The following HECW2 variants were observed in gnomAD, a reference collection of about 807,000 sequenced individuals.
The protein encoded by HECW2 is E3 ubiquitin-protein ligase HECW2.
A neutral mutation model predicts 175.2 loss-of-function variants in HECW2; 61 were observed. The ratio of observed to expected loss-of-function variants is 0.35; its 90% CI spans 0.28 to 0.43. HECW2 has a LOEUF of 0.43. Ranked by LOEUF, HECW2 falls within the 20% of genes least tolerant of loss-of-function variation. The pLI is 1.00. For missense variants in HECW2, 1,524 were observed against 2,000.5 expected (o/e 0.76, Z 4.54); for synonymous variants, 671 against 731.0 (o/e 0.92, Z 1.32).
At chr2:196,494,290 A>C (rs1258706934) in intron 1 of HECW2, among the ~76,000 whole-genome samples, 1 of 152,200 alleles carries the variant, frequency 6.6e-6, no homozygotes, top group Non-Finnish European at 1.5e-5. Context: ...GAGCCCTGAA[A>C]AGTAATTTCC....
At chr2:196,286,058 G>T (rs1690375381) in intron 14 of HECW2, among the ~76,000 whole-genome samples, 1 of 152,148 alleles carries the variant, frequency 6.6e-6, no homozygotes, top group Non-Finnish European at 1.5e-5. Flanking sequence ...CCTGTAAGAG[G>T]GGAGCCAGTG....
chr2:196,531,503 A>G (rs1688838635), intron 1 of HECW2, among the ~76,000 whole-genome samples: 1 of 152,044 alleles, frequency 6.6e-6, no homozygotes, highest in Non-Finnish European at 1.5e-5. Flanking sequence ...TAAAAATACA[A>G]TACAAAAAAT....
chr2:196,304,618 C>CTTG lies in HECW2; in HGVS notation c.2814+1867_2814+1869dup, dbSNP rs557707720. The stretch of plus-strand genomic sequence containing the variant: ...CAAATGAACAAAAAACAAAGGGGAG[C>CTTG]TTGTGCCTTCTGACTCCAAGTCTGA... On this transcript the variant is annotated intron_variant, in intron 13 of 28. Transcript: ENST00000644978. 9.8e-5 allele frequency among the ~76,000 whole-genome samples: 15 copies of CTTG among 152,290 alleles called. No homozygotes were observed. The East Asian group carries it at 2.1e-3, about 22-fold the overall frequency.
chr2:196,486,836 A>G (rs1005587970), intron 1 of HECW2, among the ~76,000 whole-genome samples: 2 of 152,202 alleles, frequency 1.3e-5, no homozygotes, highest in Non-Finnish European at 2.9e-5. Flanking sequence ...CTTCACCTCT[A>G]TTCACTAAAA....
At position 196,309,530 on chromosome 2, in the gene HECW2, C is replaced by A. The variant is rs1050466942; in HGVS notation, c.2435-1445G>T. On this transcript the variant is annotated intron_variant, in intron 10 of 28. Transcript: ENST00000644978. ...AAGTACATTAAAGCATCTTCAGGAA[C>A]CATTTTTCAAAACACTTTGATTTAT... Among the ~76,000 whole-genome samples the A allele has an allele frequency of 3.3e-5, 5 of 152,304 alleles. No homozygotes were observed. In the South Asian group the frequency reaches 1.0e-3, roughly 32 times the overall value.
chr2:196,296,220 T>C (rs1690808951), intron 13 of HECW2, among the ~76,000 whole-genome samples: 1 of 152,244 alleles, frequency 6.6e-6, no homozygotes, highest in South Asian at 2.1e-4. Context: ...CCACTTCATA[T>C]AGAACTACAG....
intron 1 of HECW2, among the ~76,000 whole-genome samples, chr2:196,458,256 G>A (rs1696592932): frequency 6.6e-6 from 1 of 152,086 alleles, no homozygotes; most frequent in Non-Finnish European, 1.5e-5. Context: ...AAGTGACAGA[G>A]CAAAACCCTG....
At chr2:196,242,023 C>A in intron 20 of HECW2, 61 bp downstream of exon 20, 2 of 1,514,048 alleles carry the variant, frequency 1.3e-6, no homozygotes, top group Non-Finnish European at 9.1e-7. Context: ...TCCTAGAGGC[C>A]CAACTGTGCC....
chr2:196,230,119 T>A (rs529157208), intron 21 of HECW2, among the ~76,000 whole-genome samples: 54 of 152,272 alleles, frequency 3.5e-4, no homozygotes, highest in Non-Finnish European at 7.5e-4. Context: ...GAATATAACA[T>A]GCTAACAGGT....
chr2:196,319,821 T>C lies in HECW2; in HGVS notation c.1069A>G (p.Met357Val), dbSNP rs780893136. The change falls in exon 9 of 29, where the codon ATG becomes GTG. Residue 357 changes from methionine to valine, a missense_variant. Around this residue, in one of 11 missense-constraint regions of HECW2, gnomAD observed 604 missense variants for 588.3 expected, o/e 1.03. Transcript: ENST00000644978. ...TGGCTGTCGTGATGGCTCCCTGGCA[T>C]GTCCTCGTCATCGGAAGGGCTACCT... is the stretch of plus-strand genomic sequence containing the variant. ...DLGSPSDDED[M>V]PGSHHDSQVC... 7 of 1,614,114 alleles carry C rather than the reference T, an allele frequency of 4.3e-6. No individual in the cohort carries two copies. In the African/African-American group the frequency reaches 5.3e-5, roughly 12 times the overall value.
At chr2:196,286,404 A>ATATATATATATAT (rs1224813893) in intron 14 of HECW2, among the ~76,000 whole-genome samples, 3 of 151,350 alleles carry the variant, frequency 2.0e-5, no homozygotes, top group Non-Finnish European at 2.9e-5. Context: ...ATATATATTT[A>ATATATATATATAT]AATCCATGCA....
At chr2:196,537,958 TTTC>T (rs1251918846) in intron 1 of HECW2, among the ~76,000 whole-genome samples, 1 of 152,182 alleles carries the variant, frequency 6.6e-6, no homozygotes, top group African/African-American at 2.4e-5. Context: ...ACCACTGTAC[TTTC>T]TTAATAAATT....
chr2:196,199,674 A>G lies in HECW2; in HGVS notation c.*1603T>C, dbSNP rs2105747802. ...GGCTGGCAAACCATATGTCAATCCAATGCTTTTATGACCCCCAATTTAACT... is the reference window on the plus strand; with the variant it reads ...GGCTGGCAAACCATATGTCAATCCAGTGCTTTTATGACCCCCAATTTAACT... On this transcript the variant is annotated 3_prime_UTR_variant, in exon 29 of 29. Transcript: ENST00000644978. The G allele has an allele frequency of 6.6e-6, 1 of 152,412 alleles. No individual in the cohort carries two copies. The highest frequency in any genetic ancestry group is 3.4e-3 in the Middle Eastern group (1 of 294). The allele number at this position is 152,412 out of a possible 1,614,324, so 9.4% of individuals were successfully genotyped here. A position where few individuals can be genotyped will look rare whatever the true frequency, so the allele number is the denominator to read the frequency against.
chr2:196,349,438 C>G (rs1348495972), intron 2 of HECW2, among the ~76,000 whole-genome samples: 1 of 152,094 alleles, frequency 6.6e-6, no homozygotes, highest in African/African-American at 2.4e-5. Context: ...TTATATTAAG[C>G]TTGTCCCTTT....
chr2:196,469,834 C>A (rs981779336), intron 1 of HECW2, among the ~76,000 whole-genome samples: 1 of 151,428 alleles, frequency 6.6e-6, no homozygotes, highest in African/African-American at 2.4e-5. Flanking sequence ...ACCTCTGGGG[C>A]GGGGGACTAA....
intron 24 of HECW2, among the ~76,000 whole-genome samples, chr2:196,221,918 C>T (rs1687684524): frequency 6.6e-6 from 1 of 152,110 alleles, no homozygotes; most frequent in Admixed American, 6.5e-5. Context: ...AAACTGCATT[C>T]TATATAAGGT....
At chr2:196,539,091 G>A (rs963295810) in intron 1 of HECW2, among the ~76,000 whole-genome samples, 1 of 152,186 alleles carries the variant, frequency 6.6e-6, no homozygotes, top group Non-Finnish European at 1.5e-5. Context: ...AAGTCCAGAA[G>A]TGCCCTGGAG....
chr2:196,312,279 G>C (rs992680346), intron 10 of HECW2, among the ~76,000 whole-genome samples: 1 of 152,052 alleles, frequency 6.6e-6, no homozygotes, highest in Non-Finnish European at 1.5e-5. Context: ...TTTTGAATTG[G>C]TTATCATTGG....
At position 196,196,942 on chromosome 2, in the gene HECW2, G is replaced by C. The variant is rs892311645; in HGVS notation, c.*4335C>G. On this transcript the variant is annotated 3_prime_UTR_variant, in exon 29 of 29. Transcript: ENST00000644978. ...TCTACAAAAATACAAAAATTAGCCAGGTGTGGTGGTATGCGCCTGTAGTCC... is the reference window on the plus strand; with the variant it reads ...TCTACAAAAATACAAAAATTAGCCACGTGTGGTGGTATGCGCCTGTAGTCC... The C allele has an allele frequency of 1.3e-5, 2 of 152,056 alleles. No homozygotes were observed. Among genetic ancestry groups the C allele is most frequent in the South Asian group, 2.1e-4 (1 of 4,810 alleles). The allele number at this position is 152,056 out of a possible 1,614,324, so 9.4% of individuals were successfully genotyped here. A position where few individuals can be genotyped will look rare whatever the true frequency, so the allele number is the denominator to read the frequency against.
Sources: gnomAD v4.1 joint callset for allele counts (sites outside exome capture counted in the v4.1 genomes callset) on GRCh38, gnomAD v4.1.1 for gene constraint, gnomAD v4.1.1 regional missense constraint, MANE v1.5 for transcripts, NCBI Gene and HGNC (gene_info 2026-07-23, HGNC 2026-07-21) for gene names.